Variants in ABCA13 observed in about 807,000 individuals in gnomAD.
The protein encoded by ABCA13 is ATP binding cassette subfamily A member 13.
A neutral mutation model predicts 478.7 loss-of-function variants in ABCA13; 476 were observed. That is an observed-to-expected ratio of 0.99 (90% CI 0.92 to 1.07). ABCA13 has a LOEUF of 1.07. ABCA13 is among the 50% of genes least tolerant of loss of function. The pLI, the probability that ABCA13 is intolerant of heterozygous loss-of-function variation, is 0.00. For missense variants in ABCA13, 6,060 were observed against 5,910.6 expected (o/e 1.03, Z -0.83); for synonymous variants, 2,252 against 2,158.9 (o/e 1.04, Z -1.20).
chr7:48,547,414 T>C (rs943062916), intron 55 of ABCA13, among the ~76,000 whole-genome samples: 9 of 151,962 alleles, frequency 5.9e-5, no homozygotes, highest in African/African-American at 2.2e-4. Context: ...TTCCATGCTA[T>C]GTCTAAGATA....
At chr7:48,464,621 G>C (rs1826668871) in intron 43 of ABCA13, among the ~76,000 whole-genome samples, 1 of 152,104 alleles carries the variant, frequency 6.6e-6, no homozygotes, top group Non-Finnish European at 1.5e-5. Flanking sequence ...ATTAAATTTT[G>C]TTTTTGTTTG....
chr7:48,314,056 C>T (rs1012031004), intron 25 of ABCA13, among the ~76,000 whole-genome samples, 176 bp from the exon 26 acceptor site: 3 of 151,534 alleles, frequency 2.0e-5, no homozygotes, highest in Admixed American at 1.3e-4. Context: ...GAAAAGTTAC[C>T]GTAGTGTTTC....
chr7:48,561,938 T>TTTTGCAGGCTGTCTTTTCTGAAAGC (rs1281712265), intron 55 of ABCA13, among the ~76,000 whole-genome samples: 1 of 152,168 alleles, frequency 6.6e-6, no homozygotes, highest in East Asian at 1.9e-4. Context: ...AATTTCATTC[T>TTTTGCAGGCTGTCTTTTCTGAAAGC]TTTGCAGGCT....
chr7:48,385,886 C>T (rs763882972), intron 35 of ABCA13, among the ~76,000 whole-genome samples: 4 of 152,096 alleles, frequency 2.6e-5, no homozygotes, highest in Non-Finnish European at 5.9e-5. Flanking sequence ...ATTGTGGTTT[C>T]GATTTGCATT....
intron 38 of ABCA13, among the ~76,000 whole-genome samples, chr7:48,395,299 C>T (rs1161844280): frequency 6.6e-6 from 1 of 152,048 alleles, no homozygotes; most frequent in Admixed American, 6.5e-5. Context: ...GGGGCTCCTG[C>T]ACTAAGAACA....
chr7:48,211,584 A>T (rs1785659590), intron 3 of ABCA13, among the ~76,000 whole-genome samples: 1 of 152,014 alleles, frequency 6.6e-6, no homozygotes, highest in Non-Finnish European at 1.5e-5. Flanking sequence ...CTTCCTGATG[A>T]GTACAGTACT....
intron 41 of ABCA13, among the ~76,000 whole-genome samples, chr7:48,414,814 G>C (rs17132315): frequency 0.017 from 2,522 of 152,104 alleles, 55 homozygotes; most frequent in African/African-American, 0.057. Flanking sequence ...AGTTTGCCTG[G>C]TTTCCCAAGG....
rs745980084 is a variant in ABCA13 at position 48,643,325 on chromosome 7, A to G, written c.14875A>G (p.Lys4959Glu). 8.7e-6 allele frequency: 14 copies of G among 1,613,078 alleles called. No individual in the cohort carries two copies. The South Asian group carries it at 1.4e-4, about 17-fold the overall frequency. Residue 4959 changes from lysine (K) to glutamate (E), a missense_variant, in exon 60 of 62, where the codon AAG becomes GAG. This residue lies in a region of ABCA13 where 1,627 missense variants were observed against 1,571.0 expected (regional missense o/e 1.04). Coordinates refer to ENST00000435803, the MANE Select transcript of ABCA13 (RefSeq NM_152701.5). Reference sequence around the variant, plus strand: ...TTATACAGTCAAAGTTTGGCTCTGTAAGGAAGCAAATCAACATTGCACTGT... The same window carrying G: ...TTATACAGTCAAAGTTTGGCTCTGTGAGGAAGCAAATCAACATTGCACTGT... The part of the protein sequence containing the change: ...DGYTVKVWLC[K>E]EANQHCTVSD...
chr7:48,535,323 T>C (rs1458716141), intron 55 of ABCA13, among the ~76,000 whole-genome samples: 1 of 152,066 alleles, frequency 6.6e-6, no homozygotes, highest in East Asian at 1.9e-4. Flanking sequence ...TCCAGGATGG[T>C]ATTGGGGAGT....
chr7:48,192,493 T>C (rs573149381), intron 1 of ABCA13, among the ~76,000 whole-genome samples: 2 of 152,180 alleles, frequency 1.3e-5, no homozygotes, highest in Non-Finnish European at 2.9e-5. Context: ...AGTAAGCTGA[T>C]AGTTATAAAT....
intron 7 of ABCA13, among the ~76,000 whole-genome samples, chr7:48,232,960 A>G (rs1789381014): frequency 6.6e-6 from 1 of 152,220 alleles, no homozygotes. Context: ...GAGACCTCCC[A>G]TGGTGTATTC....
At position 48,227,283 on chromosome 7, in the gene ABCA13, G is replaced by A. The variant is rs1468633256; in HGVS notation, c.490G>A (p.Glu164Lys). 1 of 1,613,778 alleles carries A rather than the reference G, an allele frequency of 6.2e-7. No individual in the cohort carries two copies. Among genetic ancestry groups the A allele is most frequent in the Non-Finnish European group, 8.5e-7 (1 of 1,179,860 alleles). The change falls in exon 6 of 62, where the codon GAG (glutamate) becomes AAG (lysine). Residue 164 changes from glutamate (E) to lysine (K), a missense_variant. Around this residue, in one of 3 missense-constraint regions of ABCA13, gnomAD observed 4,423 missense variants for 4,309.1 expected, o/e 1.03. Coordinates refer to ENST00000435803, the MANE Select transcript of ABCA13 (RefSeq NM_152701.5). Reference sequence around the variant, plus strand: ...TCAGATGGATCTCAATAAGACCGAGGAGGTAATATTGAAACTGGAAAGCCT... The same window carrying A: ...TCAGATGGATCTCAATAAGACCGAGAAGGTAATATTGAAACTGGAAAGCCT... The part of the protein sequence containing the change: ...FFTMDLNKTE[E>K]VILKLESLHQ...
At position 48,368,755 on chromosome 7, in the gene ABCA13, A is replaced by G. The variant is rs1378120651; in HGVS notation, c.10803+847A>G. Among the ~76,000 whole-genome samples, 5 of 134,990 alleles carry G rather than the reference A, an allele frequency of 3.7e-5. No homozygotes were observed. In the East Asian group the frequency reaches 1.1e-3, roughly 30 times the overall value. The allele number at this position is 134,990 out of a possible 152,430, so 88.6% of individuals were successfully genotyped here. A position where few individuals can be genotyped will look rare whatever the true frequency, so the allele number is the denominator to read the frequency against. ...CATTTATATATATACATTTATATAT[A>G]TATATACACACATATACATATACAC... On this transcript the variant is annotated intron_variant, in intron 32 of 61. Coordinates refer to ENST00000435803, the MANE Select transcript of ABCA13 (RefSeq NM_152701.5).
chr7:48,228,572 G>A (rs1788592234), intron 6 of ABCA13, among the ~76,000 whole-genome samples: 1 of 152,142 alleles, frequency 6.6e-6, no homozygotes, highest in South Asian at 2.1e-4. Flanking sequence ...ACCAAGCTGA[G>A]GGTGGGGAGC....
chr7:48,303,548 A>C (rs1800464702), intron 23 of ABCA13, among the ~76,000 whole-genome samples: 1 of 152,164 alleles, frequency 6.6e-6, no homozygotes, highest in Non-Finnish European at 1.5e-5. Flanking sequence ...AATCTTCTGC[A>C]CATGGCTAGC....
intron 42 of ABCA13, among the ~76,000 whole-genome samples, chr7:48,454,274 C>G (rs1825382695): frequency 6.6e-6 from 1 of 152,152 alleles, no homozygotes; most frequent in Non-Finnish European, 1.5e-5. Flanking sequence ...TTCTCATCCA[C>G]CCAGTGGACA....
At position 48,275,181 on chromosome 7, in the gene ABCA13, G is replaced by C; in HGVS notation, c.5515G>C (p.Asp1839His). 1 of 1,613,912 alleles carries C rather than the reference G, an allele frequency of 6.2e-7. No individual in the cohort carries two copies. Among genetic ancestry groups the C allele is most frequent in the Non-Finnish European group, 8.5e-7 (1 of 1,179,860 alleles). ...NSGFRQNSKI[D>H]PCNVHGLMSS... Reference sequence around the variant, plus strand: ...TGGATTTCGGCAGAATTCAAAGATAGACCCCTGCAATGTCCATGGGCTCAT... The same window carrying C: ...TGGATTTCGGCAGAATTCAAAGATACACCCCTGCAATGTCCATGGGCTCAT... The change falls in exon 17 of 62, where the codon GAC (aspartate) becomes CAC (histidine). Residue 1839 changes from aspartate to histidine, a missense_variant. By Grantham distance (81) the Asp-to-His change is moderately conservative. This residue lies in a region of ABCA13 where 4,423 missense variants were observed against 4,309.1 expected (regional missense o/e 1.03). Coordinates refer to ENST00000435803, the MANE Select transcript of ABCA13 (RefSeq NM_152701.5).
intron 41 of ABCA13, among the ~76,000 whole-genome samples, chr7:48,414,642 C>CAT (rs977118814): frequency 2.0e-5 from 3 of 150,082 alleles, no homozygotes; most frequent in African/African-American, 4.9e-5. Flanking sequence ...TTTAATAAAA[C>CAT]ATATATATAT....
At chr7:48,193,592 T>C (rs1161183933) in intron 2 of ABCA13, among the ~76,000 whole-genome samples, 3 of 151,230 alleles carry the variant, frequency 2.0e-5, no homozygotes, top group East Asian at 3.9e-4. Context: ...GTAATGAAGA[T>C]GATGATGATG....
Sources: gnomAD v4.1 joint callset for allele counts (sites outside exome capture counted in the v4.1 genomes callset) on GRCh38, gnomAD v4.1.1 for gene constraint, gnomAD v4.1.1 regional missense constraint, MANE v1.5 for transcripts, NCBI Gene and HGNC (gene_info 2026-07-23, HGNC 2026-07-21) for gene names.